DPP10: variants seen among roughly 807,000 people sequenced by gnomAD.
The protein encoded by DPP10 is dipeptidyl peptidase like 10.
In DPP10, 33 loss-of-function variants were observed where a neutral mutation model predicts 120.9. The ratio of observed to expected loss-of-function variants is 0.27; its 90% CI spans 0.21 to 0.37. The LOEUF (loss-of-function observed/expected upper bound fraction) is 0.37, where lower values mean the gene tolerates loss of function less well. Ranked by LOEUF, DPP10 falls within the 10% of genes least tolerant of loss-of-function variation. DPP10 has a pLI of 1.00. For synonymous variants in DPP10, 337 were observed against 326.1 expected (o/e 1.03, Z -0.36); for missense variants, 816 against 942.8 (o/e 0.87, Z 1.76).
chr2:114,676,981 G>A (rs1698712624), intron 1 of DPP10, among the ~76,000 whole-genome samples: 1 of 152,026 alleles, frequency 6.6e-6, no homozygotes, highest in Non-Finnish European at 1.5e-5. Context: ...TTATACTCAA[G>A]GAGAAGCAGT....
chr2:114,680,626 A>G (rs1331072782), intron 1 of DPP10, among the ~76,000 whole-genome samples: 5 of 152,040 alleles, frequency 3.3e-5, no homozygotes, highest in Non-Finnish European at 5.9e-5. Flanking sequence ...ACCTACGAAT[A>G]TAGTGAAATA....
chr2:115,683,801 G>A (rs1255483393), intron 5 of DPP10, among the ~76,000 whole-genome samples: 1 of 151,856 alleles, frequency 6.6e-6, no homozygotes, highest in East Asian at 1.9e-4. Context: ...AGAATGGTAC[G>A]TGATTCCTCT....
intron 1 of DPP10, among the ~76,000 whole-genome samples, chr2:114,825,322 A>G (rs17043622): frequency 0.02 from 3,102 of 152,342 alleles, 101 homozygotes; most frequent in African/African-American, 0.071. Flanking sequence ...GTGATAATAT[A>G]AAAGTTGAAA....
chr2:115,478,376 TG>T (rs1186407455), intron 3 of DPP10, among the ~76,000 whole-genome samples: 3 of 152,200 alleles, frequency 2.0e-5, no homozygotes, highest in African/African-American at 7.2e-5. Context: ...GGAATGGGAT[TG>T]TTAACTAAAA....
chr2:114,880,789 T>C (rs1287755100), intron 1 of DPP10, among the ~76,000 whole-genome samples: 2 of 152,162 alleles, frequency 1.3e-5, no homozygotes, highest in African/African-American at 4.8e-5. Flanking sequence ...AAAAATGCAG[T>C]AATATGAATG....
chr2:115,181,871 A>T (rs1446307069), intron 1 of DPP10, among the ~76,000 whole-genome samples: 1 of 152,194 alleles, frequency 6.6e-6, no homozygotes. Context: ...AGAACGTTTG[A>T]ATGTTAAAAA....
At chr2:114,607,456 A>G (rs1477753052) in intron 1 of DPP10, among the ~76,000 whole-genome samples, 1 of 152,198 alleles carries the variant, frequency 6.6e-6, no homozygotes, top group Non-Finnish European at 1.5e-5. Context: ...ATGTTCATTC[A>G]TGGACCTTAA....
chr2:115,074,048 G>A (rs1401581508), intron 1 of DPP10, among the ~76,000 whole-genome samples: 1 of 152,190 alleles, frequency 6.6e-6, no homozygotes, highest in African/African-American at 2.4e-5. Flanking sequence ...GTCTTGCTCT[G>A]TTTTCCTGGC....
intron 19 of DPP10, 140 bp downstream of exon 19, chr2:115,791,496 C>G (rs967128145): frequency 8.2e-6 from 6 of 734,948 alleles, no homozygotes; most frequent in Non-Finnish European, 1.3e-5. Flanking sequence ...TGTCTAAATT[C>G]CTCTAGAAGT....
chr2:114,477,494 C>T lies in DPP10; in HGVS notation c.60+34656C>T, dbSNP rs148031877. On this transcript the variant is annotated intron_variant, in intron 1 of 25. Coordinates refer to ENST00000410059, the MANE Select transcript of DPP10 (RefSeq NM_020868.6). Reference sequence around the variant, plus strand: ...ATACACATACATACACATATACATACGTATATACACATTTATGTGTGTGTA... The same window carrying T: ...ATACACATACATACACATATACATATGTATATACACATTTATGTGTGTGTA... Among the ~76,000 whole-genome samples, 556 of 145,038 alleles carry T rather than the reference C, an allele frequency of 3.8e-3. 4 individuals carry two copies. The highest frequency in any genetic ancestry group is 0.013 in the African/African-American group (497 of 38,976).
chr2:115,639,175 C>G (rs1248717724), intron 5 of DPP10, among the ~76,000 whole-genome samples: 1 of 152,178 alleles, frequency 6.6e-6, no homozygotes, highest in Admixed American at 6.5e-5. Context: ...GGGTACCCCT[C>G]TACGTATCTT....
At chr2:115,672,992 G>A (rs982399951) in intron 5 of DPP10, among the ~76,000 whole-genome samples, 3 of 151,908 alleles carry the variant, frequency 2.0e-5, no homozygotes, top group East Asian at 1.9e-4. Context: ...CAGGTGATCC[G>A]CCTGTCTTGG....
At chr2:115,677,147 G>A (rs550876873) in intron 5 of DPP10, among the ~76,000 whole-genome samples, 1 of 152,232 alleles carries the variant, frequency 6.6e-6, no homozygotes, top group African/African-American at 2.4e-5. Context: ...CAAAAATTGA[G>A]GGAATTCATC....
intron 1 of DPP10, among the ~76,000 whole-genome samples, chr2:114,453,951 T>TA (rs554606810): frequency 0.011 from 1,742 of 152,268 alleles, 28 homozygotes; most frequent in Middle Eastern, 0.044. Context: ...TTAAAAAGCT[T>TA]ACAGTCCGAC....
intron 3 of DPP10, among the ~76,000 whole-genome samples, chr2:115,410,108 A>G (rs564992272): frequency 6.6e-6 from 1 of 152,306 alleles, no homozygotes; most frequent in African/African-American, 2.4e-5. Flanking sequence ...TCCCAGCCCC[A>G]TTGATTAAAT....
At chr2:114,801,914 T>C (rs192086127) in intron 1 of DPP10, among the ~76,000 whole-genome samples, 1 of 152,220 alleles carries the variant, frequency 6.6e-6, no homozygotes, top group Non-Finnish European at 1.5e-5. Flanking sequence ...TGCATTTTCA[T>C]GTGGACTCAA....
At chr2:115,225,042 G>A (rs563717594) in intron 1 of DPP10, among the ~76,000 whole-genome samples, 3 of 152,156 alleles carry the variant, frequency 2.0e-5, no homozygotes, top group Non-Finnish European at 2.9e-5. Flanking sequence ...GTAGGAGATA[G>A]TCCATAGGTC....
intron 1 of DPP10, among the ~76,000 whole-genome samples, chr2:115,227,533 A>G (rs2057494992): frequency 6.6e-6 from 1 of 152,166 alleles, no homozygotes; most frequent in Non-Finnish European, 1.5e-5. Context: ...TAGGATACAG[A>G]ATAGTTAGCC....
chr2:115,569,004 T>C (rs1254208749), intron 5 of DPP10, among the ~76,000 whole-genome samples: 1 of 152,212 alleles, frequency 6.6e-6, no homozygotes, highest in Non-Finnish European at 1.5e-5. Flanking sequence ...CTTTCTACTG[T>C]CCATGCCATA....
Sources: gnomAD v4.1 joint callset for allele counts (sites outside exome capture counted in the v4.1 genomes callset) on GRCh38, gnomAD v4.1.1 for gene constraint, MANE v1.5 for transcripts, NCBI Gene and HGNC (gene_info 2026-07-23, HGNC 2026-07-21) for gene names.